The following SPTLC1 variants were observed in gnomAD, a reference collection of about 807,000 sequenced individuals.
The protein encoded by SPTLC1 is serine palmitoyltransferase long chain base subunit 1.
Under a neutral mutation model 68.9 loss-of-function variants are expected in SPTLC1, and 55 were observed. The ratio of observed to expected loss-of-function variants is 0.80; its 90% CI spans 0.64 to 1.00. The LOEUF is 1.00. Among genes scored for constraint, SPTLC1 ranks in the 50% least tolerant of loss-of-function variants. SPTLC1 has a pLI of 0.00. For synonymous variants in SPTLC1, 197 were observed against 201.6 expected (o/e 0.98, Z 0.19); for missense variants, 449 against 573.1 (o/e 0.78, Z 2.21).
chr9:92,065,764 TAATAAA>T (rs1834256298), intron 6 of SPTLC1, among the ~76,000 whole-genome samples: 1 of 152,196 alleles, frequency 6.6e-6, no homozygotes, highest in South Asian at 2.1e-4. Flanking sequence ...TGCCAAAAAT[TAATAAA>T]AATATTCATT....
chr9:92,108,972 G>C, intron 2 of SPTLC1, 138 bp from the exon 3 acceptor site: 1 of 1,322,120 alleles, frequency 7.6e-7, no homozygotes, highest in South Asian at 1.3e-5. Context: ...TCAAGCTTAT[G>C]TCTTCACACT....
chr9:92,080,517 A>G (rs1454590503), intron 4 of SPTLC1, among the ~76,000 whole-genome samples: 2 of 152,216 alleles, frequency 1.3e-5, no homozygotes, highest in Non-Finnish European at 2.9e-5. Context: ...AAAAACTTGC[A>G]TAGCGCTTTC....
intron 1 of SPTLC1, among the ~76,000 whole-genome samples, chr9:92,112,812 A>T (rs1304633622): frequency 1.3e-5 from 2 of 152,256 alleles, no homozygotes; most frequent in African/African-American, 4.8e-5. Flanking sequence ...TTAAAATTAA[A>T]AAAATAAAAT....
intron 9 of SPTLC1, among the ~76,000 whole-genome samples, chr9:92,048,658 A>ATGGGG: frequency 6.6e-6 from 1 of 152,308 alleles, no homozygotes; most frequent in East Asian, 1.9e-4. Context: ...ATCTATAAAC[A>ATGGGG]TTGCACTGTG....
At chr9:92,059,754 T>C (rs1248484990) in intron 6 of SPTLC1, among the ~76,000 whole-genome samples, 1 of 152,182 alleles carries the variant, frequency 6.6e-6, no homozygotes, top group Non-Finnish European at 1.5e-5. Context: ...TATTCTACTG[T>C]AGCCAAACAC....
chr9:92,055,697 T>G (rs899269085), intron 7 of SPTLC1, among the ~76,000 whole-genome samples: 1 of 152,194 alleles, frequency 6.6e-6, no homozygotes, highest in African/African-American at 2.4e-5. Flanking sequence ...CTCACAGCAT[T>G]AGCTAGGTGA....
chr9:92,088,119 G>C (rs1045022740), intron 3 of SPTLC1, among the ~76,000 whole-genome samples: 1 of 152,236 alleles, frequency 6.6e-6, no homozygotes, highest in Admixed American at 6.5e-5. Flanking sequence ...ATTAGGGTGG[G>C]AGTGACCCAA....
At chr9:92,032,672 C>G (rs930758037) in intron 14 of SPTLC1, 114 bp from the exon 15 acceptor site, 3 of 1,352,652 alleles carry the variant, frequency 2.2e-6, no homozygotes, top group Non-Finnish European at 3.1e-6. Flanking sequence ...GTCAGGAGAT[C>G]GAGACCATCC....
chr9:92,073,406 T>C (rs1162071215), intron 5 of SPTLC1, among the ~76,000 whole-genome samples: 1 of 152,232 alleles, frequency 6.6e-6, no homozygotes, highest in Admixed American at 6.5e-5. Context: ...CCAAAGGACC[T>C]ACCAGGCAGG....
At chr9:92,113,318 C>G (rs1225273234) in intron 1 of SPTLC1, among the ~76,000 whole-genome samples, 2 of 152,122 alleles carry the variant, frequency 1.3e-5, no homozygotes, top group Admixed American at 6.5e-5. Flanking sequence ...TCTAAATACC[C>G]TTTTAGTTTT....
At chr9:92,090,351 G>A (rs75542138) in intron 3 of SPTLC1, among the ~76,000 whole-genome samples, 18,506 of 152,196 alleles carry the variant, frequency 0.12, 1,109 homozygotes, top group East Asian at 0.15. Context: ...GCTCATGCCC[G>A]CAATCCCAGC....
At position 92,038,344 on chromosome 9, in the gene SPTLC1, C is replaced by T; in HGVS notation, c.1158G>A (p.Val386=). The T allele has an allele frequency of 1.2e-6, 2 of 1,613,482 alleles. No individual in the cohort carries two copies. Among genetic ancestry groups the T allele is most frequent in the Non-Finnish European group, 8.5e-7 (1 of 1,179,450 alleles). ...GAAAGGCTGGAGAAAGGGACTCCCC[C>T]ACCACTTTTAATCCAGAAATGCTGA... ...ALQGISGLKV[V]GESLSPAFHL... The change falls in exon 13 of 15, where the codon GTG becomes GTA. Residue 386 remains valine (V), a synonymous_variant. Coordinates refer to ENST00000262554, the MANE Select transcript of SPTLC1 (RefSeq NM_006415.4).
In SPTLC1 at chr9:92,104,768, C is replaced by T. The variant is rs1220447097; in HGVS notation, c.260+3972G>A. On this transcript the variant is annotated intron_variant, in intron 3 of 14. Coordinates refer to ENST00000262554, the MANE Select transcript of SPTLC1 (RefSeq NM_006415.4). ...TGGGGAAGCAGCTTCCACCTCTAGG[C>T]CCCTGGAGACTCAGGGAAACCTCAC... The T allele has an allele frequency of 5.9e-6, 9 of 1,533,430 alleles. No homozygotes were observed. In the South Asian group the frequency reaches 8.3e-5, roughly 14 times the overall value. The allele number at this position is 1,533,430 out of a possible 1,614,324, so 95.0% of individuals were successfully genotyped here.
chr9:92,103,909 CAGGGGG>C (rs1322636188), intron 3 of SPTLC1, among the ~76,000 whole-genome samples: 2 of 152,230 alleles, frequency 1.3e-5, no homozygotes, highest in Non-Finnish European at 2.9e-5. Context: ...AACAGCCCCA[CAGGGGG>C]GCCCATCCAG....
chr9:92,074,048 G>A (rs1007228193), intron 5 of SPTLC1, among the ~76,000 whole-genome samples: 3 of 151,472 alleles, frequency 2.0e-5, no homozygotes, highest in African/African-American at 4.9e-5. Context: ...CGAAATGACC[G>A]ACTCCTTCCC....
chr9:92,051,362 G>C (rs1229993883), intron 8 of SPTLC1: 1 of 683,772 alleles, frequency 1.5e-6, no homozygotes, highest in African/African-American at 2.0e-5. Context: ...AGAATGTAGG[G>C]GGAAAAACCC....
At chr9:92,059,456 C>G (rs1834011406) in intron 6 of SPTLC1, 148 bp from the exon 7 acceptor site, 1 of 834,466 alleles carries the variant, frequency 1.2e-6, no homozygotes, top group African/African-American at 1.7e-5. Flanking sequence ...ATTTATACAT[C>G]ATTGTTTGCT....
chr9:92,086,139 T>C (rs1284801464), intron 3 of SPTLC1, among the ~76,000 whole-genome samples: 3 of 152,112 alleles, frequency 2.0e-5, no homozygotes, highest in Non-Finnish European at 2.9e-5. Flanking sequence ...TGTGTGTCTC[T>C]GCACGTGAGA....
intron 6 of SPTLC1, among the ~76,000 whole-genome samples, chr9:92,063,987 G>T (rs757880454): frequency 2.1e-4 from 32 of 152,144 alleles, no homozygotes; most frequent in Non-Finnish European, 3.5e-4. Flanking sequence ...CACAGTCCTG[G>T]AAGTTCTTGC....
Sources: allele counts gnomAD v4.1 joint callset (sites outside exome capture counted in the v4.1 genomes callset), GRCh38; gene constraint gnomAD v4.1.1; transcripts MANE v1.5; gene names NCBI Gene and HGNC (gene_info 2026-07-23, HGNC 2026-07-21).